Variants in RSRP1 observed in about 807,000 individuals in gnomAD.
RSRP1 encodes the protein arginine/serine-rich protein 1.
In RSRP1, 37 loss-of-function variants were observed where a neutral mutation model predicts 33.0. The observed-to-expected ratio is 1.12, with a 90% CI of 0.86 to 1.48. The LOEUF is 1.48. Ranked by LOEUF, RSRP1 falls within the 40% of genes most tolerant of loss-of-function variation. The pLI is 0.00. For synonymous variants in RSRP1, 167 were observed against 158.7 expected (o/e 1.05, Z -0.40); for missense variants, 402 against 385.3 (o/e 1.04, Z -0.36).
chr1:25,286,453 C>T (rs148233344), intron 1 of RSRP1, among the ~76,000 whole-genome samples: 1 of 134,942 alleles, frequency 7.4e-6, no homozygotes, highest in Non-Finnish European at 1.8e-5. Flanking sequence ...CGTGCCACTT[C>T]ACTCCAGCCT....
intron 1 of RSRP1, among the ~76,000 whole-genome samples, chr1:25,257,951 T>C (rs28592664): frequency 0.012 from 1,803 of 152,034 alleles, 35 homozygotes; most frequent in African/African-American, 0.041. Flanking sequence ...GAGCCATGAG[T>C]GTCAACATCT....
intron 4 of RSRP1, among the ~76,000 whole-genome samples, chr1:25,242,992 A>G (rs946668139): frequency 6.6e-6 from 1 of 152,170 alleles, no homozygotes; most frequent in Non-Finnish European, 1.5e-5. Flanking sequence ...CGGGAGGCTG[A>G]GGCAGGAGAA....
intron 1 of RSRP1, among the ~76,000 whole-genome samples, chr1:25,258,799 A>T (rs1640029667): frequency 6.6e-6 from 1 of 152,250 alleles, no homozygotes; most frequent in African/African-American, 2.4e-5. Context: ...TCTCTTAAAA[A>T]AAAACTGCAT....
chr1:25,297,973 C>T (rs1389525548), intron 1 of RSRP1, among the ~76,000 whole-genome samples: 1 of 131,062 alleles, frequency 7.6e-6, no homozygotes, highest in Non-Finnish European at 1.8e-5. Flanking sequence ...CTTATTCTCT[C>T]CGTACATCTA....
chr1:25,301,067 C>G, intron 1 of RSRP1: 1 of 1,376,864 alleles, frequency 7.3e-7, no homozygotes, highest in East Asian at 2.2e-5. Flanking sequence ...CAGACAGCAA[C>G]GATACCCAGT....
intron 1 of RSRP1, among the ~76,000 whole-genome samples, chr1:25,283,411 A>G: frequency 7.6e-6 from 1 of 130,926 alleles, no homozygotes; most frequent in African/African-American, 2.6e-5. Flanking sequence ...GGCACCTGTA[A>G]TCCCAGCTAC....
chr1:25,303,476 C>T, intron 1 of RSRP1: 2 of 1,378,864 alleles, frequency 1.5e-6, no homozygotes, highest in East Asian at 4.5e-5. Flanking sequence ...AACTAGACAA[C>T]TAACCTCCTC....
rs555876131 is a variant in RSRP1 at position 25,288,662 on chromosome 1, A to G, written c.-66-41633T>C. ...ACCAAGGCACAGAGTGATTAAATAA[A>G]TTGCCCAGGATCACACAGCCAGAAA... is the stretch of plus-strand genomic sequence containing the variant. On this transcript the variant is annotated intron_variant, in intron 1 of 1. Transcript: ENST00000561867. Among the ~76,000 whole-genome samples the G allele has an allele frequency of 8.6e-3, 1,071 of 124,690 alleles. 36 individuals carry two copies. The highest frequency in any genetic ancestry group is 0.026 in the African/African-American group (888 of 34,360). The allele number at this position is 124,690 out of a possible 152,430, so 81.8% of individuals were successfully genotyped here. A position where few individuals can be genotyped will look rare whatever the true frequency, so the allele number is the denominator to read the frequency against.
Position 25,290,793 on chromosome 1 carries a change from T to A in RSRP1, c.-66-43764A>T, listed in dbSNP as rs1307580717. ...ATGGTCATCAGTAATATCTTCAACG[T>A]GAGTCATGGTGCTGGGAGGAGGGAC... On this transcript the variant is annotated intron_variant, in intron 1 of 1. Transcript: ENST00000561867. The A allele has an allele frequency of 4.4e-5, 60 of 1,376,140 alleles. 18 individuals are homozygous for A. Among genetic ancestry groups the A allele is most frequent in the Non-Finnish European group, 5.8e-5 (57 of 977,630 alleles). The allele number at this position is 1,376,140 out of a possible 1,614,324, so 85.2% of individuals were successfully genotyped here.
chr1:25,247,144 C>G (rs1214882149), intron 1 of RSRP1, 115 bp from the exon 2 acceptor site: 5 of 654,396 alleles, frequency 7.6e-6, no homozygotes, highest in Non-Finnish European at 1.2e-5. Flanking sequence ...GCGGCGACCG[C>G]CGCGACAGGA....
At chr1:25,243,863 TAAACTAATTTTTTA>T in intron 3 of RSRP1, 2 of 1,258,296 alleles carry the variant, frequency 1.6e-6, no homozygotes, top group Non-Finnish European at 2.0e-6. Context: ...CTGGCAAATT[TAAACTAATTTTTTA>T]ATCAGTTTTC....
chr1:25,260,997 TC>T (rs1172919551), intron 1 of RSRP1, among the ~76,000 whole-genome samples: 1 of 152,032 alleles, frequency 6.6e-6, no homozygotes, highest in Non-Finnish European at 1.5e-5. Context: ...AGACAGGGTT[TC>T]ACCATATTGG....
chr1:25,248,145 G>T (rs936355805), upstream of RSRP1: 1 of 152,174 alleles, frequency 6.6e-6, no homozygotes, highest in Non-Finnish European at 1.5e-5. Context: ...AGGTAATAAG[G>T]TCGAGACAAA....
At chr1:25,300,939 A>T in intron 1 of RSRP1, 1 of 1,377,742 alleles carries the variant, frequency 7.3e-7, no homozygotes, top group Middle Eastern at 1.8e-4. Context: ...ACTGGGTTTT[A>T]TTGCAGACAG....
rs765065632 is a variant in RSRP1 at position 25,246,685 on chromosome 1, G to A, written c.279C>T (p.Tyr93=). The change falls in exon 2 of 5, where the codon TAC becomes TAT. Residue 93 remains tyrosine (Y), a synonymous_variant. Transcript: ENST00000243189. ...TGGTGAACCCGTAGCGCCTCTCTCG[G>A]TAACGGCGGCTGCGGGATCGCGACC... ...RSRSRSRSRR[Y]RERRYGFTRR... The A allele has an allele frequency of 8.1e-6, 13 of 1,608,726 alleles. No individual in the cohort carries two copies. Among genetic ancestry groups the A allele is most frequent in the African/African-American group, 4.0e-5 (3 of 74,866 alleles).
In RSRP1 at chr1:25,263,367, G is replaced by T. The variant is rs184179941; in HGVS notation, c.-66-16338C>A. ...CTAGGCAATTTACAAAAGAAAGAGA[G>T]GTTTAATGGACTTACAGTTCCACAT... On this transcript the variant is annotated intron_variant, in intron 1 of 1. Coordinates refer to the RSRP1 transcript ENST00000561867. 2.8e-3 allele frequency among the ~76,000 whole-genome samples: 423 copies of T among 150,754 alleles called. 4 individuals are homozygous for T. The highest frequency in any genetic ancestry group is 8.7e-3 in the African/African-American group (349 of 40,278).
chr1:25,316,618 GA>G (rs1171433774), intron 1 of RSRP1, among the ~76,000 whole-genome samples: 4,866 of 40,488 alleles, frequency 0.12, 355 homozygotes, highest in East Asian at 0.19. Flanking sequence ...AACAAAAACA[GA>G]AAAAAAAAAA....
intron 1 of RSRP1, chr1:25,284,848 C>T: frequency 3.3e-6 from 4 of 1,212,122 alleles, no homozygotes; most frequent in Non-Finnish European, 3.6e-6. Flanking sequence ...ATATTGCCCC[C>T]TCTCTGTCTA....
At chr1:25,263,586 C>T (rs1339735132) in intron 1 of RSRP1, among the ~76,000 whole-genome samples, 1 of 151,922 alleles carries the variant, frequency 6.6e-6, no homozygotes. Flanking sequence ...TTACCTCCCA[C>T]TGGGTCCCTC....
Sources: allele counts gnomAD v4.1 joint callset (sites outside exome capture counted in the v4.1 genomes callset), GRCh38; gene constraint gnomAD v4.1.1; transcripts MANE v1.5; gene names NCBI Gene and HGNC (gene_info 2026-07-23, HGNC 2026-07-21).